The following ELOVL3 variants were observed in gnomAD, a reference collection of about 807,000 sequenced individuals.
ELOVL3 encodes the protein ELOVL fatty acid elongase 3, also known as very long chain fatty acid elongase 3.
A neutral mutation model predicts 14.9 loss-of-function variants in ELOVL3; 11 were observed. That is an observed-to-expected ratio of 0.74 (90% CI 0.46 to 1.22). The LOEUF (loss-of-function observed/expected upper bound fraction) is 1.22. Among genes scored for constraint, ELOVL3 ranks in the 50% most tolerant of loss-of-function variants. The pLI is 0.00. For missense variants in ELOVL3, 277 were observed against 338.9 expected (o/e 0.82, Z 1.43); for synonymous variants, 117 against 124.7 (o/e 0.94, Z 0.41).
At chr10:102,225,410 T>C (rs1007147284), upstream of ELOVL3, among the ~76,000 whole-genome samples, 4 of 152,240 alleles carry the variant, frequency 2.6e-5, no homozygotes, top group Non-Finnish European at 5.9e-5. Flanking sequence ...CTATGTTTCT[T>C]AGCACTTTTT....
chr10:102,229,487 G>A lies in ELOVL3; in HGVS notation c.*235G>A, dbSNP rs1295137614. On this transcript the variant is annotated 3_prime_UTR_variant, in exon 4 of 4. Coordinates refer to ENST00000370005, the MANE Select transcript of ELOVL3 (RefSeq NM_152310.3). Reference sequence around the variant, plus strand: ...GTGAAGGCCAAGCAGGCCCTGGGATGGGAGTGGGGCGGAGGAGGGTCCTAA... The same window carrying A: ...GTGAAGGCCAAGCAGGCCCTGGGATAGGAGTGGGGCGGAGGAGGGTCCTAA... The A allele has an allele frequency of 5.9e-6, 3 of 510,848 alleles. No individual in the cohort carries two copies. Among genetic ancestry groups the A allele is most frequent in the African/African-American group, 1.9e-5 (1 of 52,580 alleles). 31.6% of individuals were successfully genotyped at this position (510,848 alleles called of 1,614,324 possible). A position where few individuals can be genotyped will look rare whatever the true frequency, so the allele number is the denominator to read the frequency against.
chr10:102,224,787 C>G (rs1055484084), upstream of ELOVL3, among the ~76,000 whole-genome samples: 1 of 151,316 alleles, frequency 6.6e-6, no homozygotes, highest in Non-Finnish European at 1.5e-5. Flanking sequence ...CTCAGCCTCC[C>G]GAGTAGCTGG....
In ELOVL3 at chr10:102,229,170, T is replaced by A; in HGVS notation, c.731T>A (p.Met244Lys). 1.2e-6 allele frequency: 2 copies of A among 1,614,076 alleles called. No individual in the cohort carries two copies. Among genetic ancestry groups the A allele is most frequent in the Non-Finnish European group, 1.7e-6 (2 of 1,180,036 alleles). Residue 244 changes from methionine to lysine, a missense_variant, in exon 4 of 4, where the codon ATG (methionine) becomes AAG (lysine). Transcript: ENST00000370005. ...EHLFWSFILY[M>K]TYFILFAHFF... is the part of the protein sequence containing the mutation. ...TTATTCTGGTCCTTCATCTTGTATATGACCTATTTCATCCTCTTTGCCCAC... is the reference window on the plus strand; with the variant it reads ...TTATTCTGGTCCTTCATCTTGTATAAGACCTATTTCATCCTCTTTGCCCAC...
At chr10:102,228,305 A>C in intron 2 of ELOVL3, 112 bp from the exon 3 acceptor site, 2 of 1,134,784 alleles carry the variant, frequency 1.8e-6, no homozygotes, top group Non-Finnish European at 2.5e-6. Flanking sequence ...CCCTGTGGAC[A>C]GGTGGGGAGG....
At chr10:102,228,341 T>G (rs947828454) in intron 2 of ELOVL3, 76 bp from the exon 3 acceptor site, 5 of 1,532,746 alleles carry the variant, frequency 3.3e-6, no homozygotes, top group Middle Eastern at 2.1e-4. Context: ...CACAGTAACC[T>G]GGCCAAGCCG....
chr10:102,225,344 G>A (rs1360788087), upstream of ELOVL3, among the ~76,000 whole-genome samples: 2 of 152,186 alleles, frequency 1.3e-5, no homozygotes, highest in African/African-American at 4.8e-5. Context: ...TCTGGCTCTA[G>A]AGCTTTACTG....
chr10:102,228,727 C>A (rs543470146), intron 3 of ELOVL3, 98 bp from the exon 4 acceptor site: 110 of 1,441,006 alleles, frequency 7.6e-5, no homozygotes, highest in Non-Finnish European at 9.9e-5. Flanking sequence ...CAAAGACCCC[C>A]TTCCCTCCCC....
rs2070172466 is a variant in ELOVL3, at chr10:102,229,162, C to T, written c.723C>T (p.Ile241=). 3 of 1,614,072 alleles carry T rather than the reference C, an allele frequency of 1.9e-6. No individual in the cohort carries two copies. The East Asian group carries it at 6.7e-5, about 36-fold the overall frequency. Residue 241 remains isoleucine (I), a synonymous_variant, in exon 4 of 4, where the codon ATC becomes ATT. Transcript: ENST00000370005. ...TGGAACACTTATTCTGGTCCTTCATCTTGTATATGACCTATTTCATCCTCT... is the reference window on the plus strand; with the variant it reads ...TGGAACACTTATTCTGGTCCTTCATTTTGTATATGACCTATTTCATCCTCT... ...TTMEHLFWSF[I]LYMTYFILFA...
At chr10:102,226,208 C>A, upstream of ELOVL3, 1 of 204,130 alleles carries the variant, frequency 4.9e-6, no homozygotes, top group Non-Finnish European at 1.0e-5. Flanking sequence ...GCCTGGCAGG[C>A]GGGCCCTTGA....
At position 102,229,316 on chromosome 10, in the gene ELOVL3, TA is replaced by T; in HGVS notation, c.*65del. The T allele has an allele frequency of 6.8e-7, 1 of 1,472,506 alleles. No individual in the cohort carries two copies. The highest frequency in any genetic ancestry group is 9.2e-7 in the Non-Finnish European group (1 of 1,091,852). 91.2% of individuals were successfully genotyped at this position (1,472,506 alleles called of 1,614,324 possible). ...CTCCAGGGCACCAAGAGGCTGGGCTTAGTTTTGGGAGAATGATTAGGTTGCC... is the reference window on the plus strand; with the variant it reads ...CTCCAGGGCACCAAGAGGCTGGGCTTGTTTTGGGAGAATGATTAGGTTGCC... On this transcript the variant is annotated 3_prime_UTR_variant, in exon 4 of 4. Coordinates refer to ENST00000370005, the MANE Select transcript of ELOVL3 (RefSeq NM_152310.3).
Position 102,226,512 on chromosome 10 carries a change from G to A in ELOVL3, c.-37G>A, listed in dbSNP as rs776162588. 1 of 1,485,348 alleles carries A rather than the reference G, an allele frequency of 6.7e-7. No homozygotes were observed. Among genetic ancestry groups the A allele is most frequent in the Non-Finnish European group, 9.4e-7 (1 of 1,064,180 alleles). The allele number at this position is 1,485,348 out of a possible 1,614,324, so 92.0% of individuals were successfully genotyped here. ...TCGGAGCCCCAGCCTTTCACCCAGC[G>A]CCTCCAAGCTTTGGACCTTGACTTC... On this transcript the variant is annotated 5_prime_UTR_variant, in exon 1 of 4. Coordinates refer to ENST00000370005, the MANE Select transcript of ELOVL3 (RefSeq NM_152310.3).
At chr10:102,226,980 G>C (rs1455081025) in intron 1 of ELOVL3, among the ~76,000 whole-genome samples, 1 of 151,802 alleles carries the variant, frequency 6.6e-6, no homozygotes, top group East Asian at 1.9e-4. Context: ...CTGTGTGTGC[G>C]CGCGTGTGTG....
chr10:102,228,122 C>A (rs1440075594), intron 2 of ELOVL3, among the ~76,000 whole-genome samples: 1 of 152,138 alleles, frequency 6.6e-6, no homozygotes, highest in Non-Finnish European at 1.5e-5. Flanking sequence ...CTTCCCCTAT[C>A]CCTCTACACA....
In ELOVL3 at chr10:102,229,122, G is replaced by A. The variant is rs140986921; in HGVS notation, c.683G>A (p.Gly228Glu). The change falls in exon 4 of 4, where the codon GGA (glycine) becomes GAA (glutamate). Residue 228 changes from glycine (G) to glutamate (E), a missense_variant. By Grantham distance (98) the Gly-to-Glu change is moderately conservative. Transcript: ENST00000370005. Reference sequence around the variant, plus strand: ...ACGTACATCTGGAGGCAGGATCAGGGATGCCACACCACGATGGAACACTTA... The same window carrying A: ...ACGTACATCTGGAGGCAGGATCAGGAATGCCACACCACGATGGAACACTTA... ...ILTYIWRQDQ[G>E]CHTTMEHLFW... is the part of the protein sequence containing the mutation. 3.5e-5 allele frequency: 56 copies of A among 1,614,106 alleles called. No homozygotes were observed. The Middle Eastern group carries it at 6.6e-4, about 19-fold the overall frequency.
upstream of ELOVL3, among the ~76,000 whole-genome samples, chr10:102,224,820 G>A (rs2070124817): frequency 6.6e-6 from 1 of 151,770 alleles, no homozygotes; most frequent in Non-Finnish European, 1.5e-5. Context: ...CTGCCACCAC[G>A]CCCGGCTAAT....
Position 102,229,313 on chromosome 10 carries a change from G to C in ELOVL3, c.*61G>C. The C allele has an allele frequency of 6.7e-7, 1 of 1,492,806 alleles. No homozygotes were observed. The highest frequency in any genetic ancestry group is 2.3e-5 in the East Asian group (1 of 43,930). 92.5% of individuals were successfully genotyped at this position (1,492,806 alleles called of 1,614,324 possible). A position where few individuals can be genotyped will look rare whatever the true frequency, so the allele number is the denominator to read the frequency against. ...CTTCTCCAGGGCACCAAGAGGCTGG[G>C]CTTAGTTTTGGGAGAATGATTAGGT... On this transcript the variant is annotated 3_prime_UTR_variant, in exon 4 of 4. Coordinates refer to ENST00000370005, the MANE Select transcript of ELOVL3 (RefSeq NM_152310.3).
Position 102,229,485 on chromosome 10 carries a change from A to G in ELOVL3, c.*233A>G. On this transcript the variant is annotated 3_prime_UTR_variant, in exon 4 of 4. Transcript: ENST00000370005. ...ATGTGAAGGCCAAGCAGGCCCTGGG[A>G]TGGGAGTGGGGCGGAGGAGGGTCCT... The G allele has an allele frequency of 1.9e-6, 1 of 513,678 alleles. No individual in the cohort carries two copies. Among genetic ancestry groups the G allele is most frequent in the East Asian group, 3.3e-5 (1 of 30,748 alleles). The allele number at this position is 513,678 out of a possible 1,614,324, so 31.8% of individuals were successfully genotyped here.
chr10:102,228,687 C>T, intron 3 of ELOVL3, 119 bp downstream of exon 3: 3 of 1,423,966 alleles, frequency 2.1e-6, no homozygotes, highest in South Asian at 2.6e-5. Flanking sequence ...TAATACCTCT[C>T]ACCCAAGCCC....
In ELOVL3 at chr10:102,226,632, C is replaced by G; in HGVS notation, c.84C>G (p.Pro28=). Residue 28 remains proline, a synonymous_variant, in exon 1 of 4, where the codon CCC becomes CCG. Transcript: ENST00000370005. ...TCGAGCTGTCCAAGGACATGAGGCC[C>G]TTTTTCGAGGAGTATTGGTGAGACT... ...YNFELSKDMR[P]FFEEYWATSF... 6.2e-7 allele frequency: 1 copy of G among 1,613,782 alleles called. No individual in the cohort carries two copies. The highest frequency in any genetic ancestry group is 2.2e-5 in the East Asian group (1 of 44,830).
Sources: gnomAD v4.1 joint callset for allele counts (sites outside exome capture counted in the v4.1 genomes callset) on GRCh38, gnomAD v4.1.1 for gene constraint, MANE v1.5 for transcripts, NCBI Gene and HGNC (gene_info 2026-07-23, HGNC 2026-07-21) for gene names.